Variants in PRKCZ observed in about 807,000 individuals in gnomAD.
The protein encoded by PRKCZ is protein kinase C zeta, also known as protein kinase C zeta type.
Under a neutral mutation model 79.5 loss-of-function variants are expected in PRKCZ, and 33 were observed. The observed-to-expected ratio is 0.41, with a 90% CI of 0.31 to 0.55. PRKCZ has a LOEUF of 0.55. Ranked by LOEUF, PRKCZ falls within the 20% of genes least tolerant of loss-of-function variation. The probability of loss-of-function intolerance (pLI) is 0.19; values close to 1 mark genes in which losing one functional copy is unlikely to be tolerated. For missense variants in PRKCZ, 578 were observed against 813.5 expected (o/e 0.71, Z 3.52); for synonymous variants, 342 against 320.9 (o/e 1.07, Z -0.70).
intron 4 of PRKCZ, among the ~76,000 whole-genome samples, chr1:2,098,122 G>A (rs9970625): frequency 2.1e-3 from 5 of 2,338 alleles, no homozygotes; most frequent in Non-Finnish European, 3.3e-3. Context: ...GGTGACCAGG[G>A]GTGACTAAGG....
intron 4 of PRKCZ, among the ~76,000 whole-genome samples, chr1:2,067,987 A>T (rs1024274787): frequency 6.6e-6 from 1 of 152,228 alleles, no homozygotes; most frequent in African/African-American, 2.4e-5. Context: ...GGACTTGAGC[A>T]GATGAGACTC....
intron 4 of PRKCZ, among the ~76,000 whole-genome samples, chr1:2,067,514 C>A (rs1003905293): frequency 2.6e-5 from 4 of 152,166 alleles, no homozygotes; most frequent in Non-Finnish European, 4.4e-5. Flanking sequence ...TGGGGATCCC[C>A]TGTGTGCATC....
At chr1:2,052,964 C>A (rs893702267) in intron 1 of PRKCZ, among the ~76,000 whole-genome samples, 1 of 152,200 alleles carries the variant, frequency 6.6e-6, no homozygotes, top group Non-Finnish European at 1.5e-5. Flanking sequence ...CGCCACCCCA[C>A]CCCGCCCCCT....
At chr1:2,112,084 A>G (rs186872453) in intron 4 of PRKCZ, among the ~76,000 whole-genome samples, 1 of 152,268 alleles carries the variant, frequency 6.6e-6, no homozygotes, top group Admixed American at 6.5e-5. Flanking sequence ...TGTTTCCCAA[A>G]CTGAGTGAAA....
rs894189411 is a variant in PRKCZ, at chr1:2,127,080, C to T, written c.335-8182C>T. On this transcript the variant is annotated intron_variant, in intron 4 of 17. Coordinates refer to ENST00000378567, the MANE Select transcript of PRKCZ (RefSeq NM_002744.6). The surrounding 1 kb of genome is among the most constrained non-coding windows in gnomAD (Gnocchi z 5.1). ...TTCTGTCTCTCGAGCTCTTCTGTGC[C>T]GTGTGGTTGCACTAAGCAGCTGTGG... 5.3e-5 allele frequency among the ~76,000 whole-genome samples: 8 copies of T among 152,200 alleles called. No individual in the cohort carries two copies. Among genetic ancestry groups the T allele is most frequent in the African/African-American group, 9.7e-5 (4 of 41,450 alleles).
intron 4 of PRKCZ, among the ~76,000 whole-genome samples, chr1:2,129,569 G>C (rs926329534): frequency 3.3e-5 from 5 of 152,186 alleles, no homozygotes; most frequent in Non-Finnish European, 5.9e-5. Flanking sequence ...GCTTAAGGTA[G>C]CCATGGATCC....
chr1:2,074,803 T>C (rs1428614833), intron 4 of PRKCZ: 1 of 155,830 alleles, frequency 6.4e-6, no homozygotes, highest in African/African-American at 2.4e-5. Flanking sequence ...GCATGGTGTT[T>C]GGCAGGGATG....
chr1:2,134,567 C>T (rs760248206), intron 4 of PRKCZ, among the ~76,000 whole-genome samples: 4 of 151,772 alleles, frequency 2.6e-5, no homozygotes, highest in Non-Finnish European at 5.9e-5. Context: ...AGGCACAGTC[C>T]GCATGGGCTG....
At chr1:2,084,900 C>T (rs976210706) in intron 4 of PRKCZ, among the ~76,000 whole-genome samples, 1 of 151,898 alleles carries the variant, frequency 6.6e-6, no homozygotes, top group Non-Finnish European at 1.5e-5. Flanking sequence ...TCCAGCTCCT[C>T]GGGGAGGCTG....
chr1:2,062,007 T>C (rs1304303461), intron 4 of PRKCZ, among the ~76,000 whole-genome samples: 3 of 152,058 alleles, frequency 2.0e-5, no homozygotes, highest in Admixed American at 6.5e-5. Flanking sequence ...GTGTGTACAG[T>C]GGATGGAGCA....
chr1:2,138,259 G>A (rs891366992), intron 5 of PRKCZ, among the ~76,000 whole-genome samples: 3 of 152,206 alleles, frequency 2.0e-5, no homozygotes, highest in African/African-American at 7.2e-5. Flanking sequence ...GAAAGAGTGG[G>A]CATCCGTCGC....
In PRKCZ at chr1:2,050,429, G is replaced by GC. The variant is rs1659531344; in HGVS notation, c.-197dup. ...CCGCCATGTTCGGACACCGCCCCCC[G>GC]CCCCCGCCGGACGGTCCCGCCCCGC... On this transcript the variant is annotated 5_prime_UTR_variant, in exon 1 of 18. Transcript: ENST00000378567. The GC allele has an allele frequency of 5.3e-6, 1 of 188,846 alleles. No individual in the cohort carries two copies. 11.7% of individuals were successfully genotyped at this position (188,846 alleles called of 1,614,324 possible). A position where few individuals can be genotyped will look rare whatever the true frequency, so the allele number is the denominator to read the frequency against.
At chr1:2,059,479 C>A (rs549250004) in intron 3 of PRKCZ, 62 bp from the exon 4 acceptor site, 1 of 1,590,598 alleles carries the variant, frequency 6.3e-7, no homozygotes, top group African/African-American at 1.3e-5. Context: ...GGACTTCCTC[C>A]GTGAGACTGT....
chr1:2,152,617 T>A (rs549741055), intron 9 of PRKCZ, among the ~76,000 whole-genome samples: 1 of 152,360 alleles, frequency 6.6e-6, no homozygotes, highest in Non-Finnish European at 1.5e-5. Flanking sequence ...CTATCACCTC[T>A]CTGATTCCAG....
At chr1:2,148,332 A>T in intron 7 of PRKCZ, among the ~76,000 whole-genome samples, 1 of 151,442 alleles carries the variant, frequency 6.6e-6, no homozygotes, top group Non-Finnish European at 1.5e-5. Context: ...TGACCTCTCC[A>T]TCTGTCCATC....
chr1:2,135,432 C>A, intron 5 of PRKCZ, 85 bp downstream of exon 5: 1 of 1,294,476 alleles, frequency 7.7e-7, no homozygotes, highest in Non-Finnish European at 1.1e-6. Context: ...GCACGTCCCG[C>A]TGAGCCCAGG....
At chr1:2,135,235 T>A in intron 4 of PRKCZ, 27 bp from the exon 5 acceptor site, 1 of 1,593,812 alleles carries the variant, frequency 6.3e-7, no homozygotes, top group Non-Finnish European at 8.6e-7. Context: ...ACGCTGTTTC[T>A]TTACACCTTT....
In PRKCZ at chr1:2,124,368, C is replaced by T. The variant is rs75448828; in HGVS notation, c.335-10894C>T. On this transcript the variant is annotated intron_variant, in intron 4 of 17. Transcript: ENST00000378567. Reference sequence around the variant, plus strand: ...AGGGTCACGGCGGTGGTTAGGGTCACGGCGGCGGTTAGGGTCACGGCGGTG... The same window carrying T: ...AGGGTCACGGCGGTGGTTAGGGTCATGGCGGCGGTTAGGGTCACGGCGGTG... 5.5e-3 allele frequency among the ~76,000 whole-genome samples: 15 copies of T among 2,752 alleles called. 3 individuals are homozygous for T. The highest frequency in any genetic ancestry group is 0.018 in the Admixed American group (3 of 168). The allele number at this position is 2,752 out of a possible 152,430, so 1.8% of individuals were successfully genotyped here. A position where few individuals can be genotyped will look rare whatever the true frequency, so the allele number is the denominator to read the frequency against.
At chr1:2,116,834 A>G (rs928186243) in intron 4 of PRKCZ, among the ~76,000 whole-genome samples, 27 of 152,224 alleles carry the variant, frequency 1.8e-4, no homozygotes, top group Admixed American at 5.2e-4. Context: ...CAAAATCTCC[A>G]TAAGACATTT....
Sources: gnomAD v4.1 joint callset for allele counts (sites outside exome capture counted in the v4.1 genomes callset) on GRCh38, gnomAD v4.1.1 for gene constraint, Gnocchi (gnomAD v3.1) non-coding constraint, MANE v1.5 for transcripts, NCBI Gene and HGNC (gene_info 2026-07-23, HGNC 2026-07-21) for gene names.